Variants in EPHA6 observed in about 807,000 individuals in gnomAD.
EPHA6 encodes the protein ephrin type-A receptor 6.
EPHA6 carries 50 observed loss-of-function variants against 112.0 expected under a neutral mutation model. The observed-to-expected ratio is 0.45, with a 90% CI of 0.36 to 0.56. The LOEUF is 0.56. Among genes scored for constraint, EPHA6 ranks in the 20% least tolerant of loss-of-function variants. The probability of loss-of-function intolerance (pLI) is 0.00; values close to 1 mark genes in which losing one functional copy is unlikely to be tolerated. For missense variants in EPHA6, 1,280 were observed against 1,417.4 expected (o/e 0.90, Z 1.56); for synonymous variants, 529 against 490.7 (o/e 1.08, Z -1.03).
rs192552948 is a variant in EPHA6, at chr3:97,196,678, C to A, written c.1115-29586C>A. ...TTGTGATCTGTCTTTGGTACTGCAG[C>A]CATATCTACATTATGAGGCACACCA... On this transcript the variant is annotated intron_variant, in intron 3 of 17. Transcript: ENST00000389672. Among the ~76,000 whole-genome samples, 4 of 151,406 alleles carry A rather than the reference C, an allele frequency of 2.6e-5. No homozygotes were observed. The East Asian group carries it at 8.0e-4, about 30-fold the overall frequency.
At chr3:97,410,100 AAAG>A (rs1170705762) in intron 6 of EPHA6, among the ~76,000 whole-genome samples, 2 of 152,066 alleles carry the variant, frequency 1.3e-5, no homozygotes, top group African/African-American at 4.8e-5. Context: ...GCCTCTTTTA[AAAG>A]AAGGTTGAAG....
rs563490778 is a variant in EPHA6, at chr3:97,033,070, A to G, written c.1114+45077A>G. 1.2e-3 allele frequency among the ~76,000 whole-genome samples: 183 copies of G among 151,992 alleles called. 1 individual carries two copies. The highest frequency in any genetic ancestry group is 4.2e-3 in the African/African-American group (174 of 41,516). On this transcript the variant is annotated intron_variant, in intron 3 of 17. Coordinates refer to ENST00000389672, the MANE Select transcript of EPHA6 (RefSeq NM_001080448.3). ...CAAATGTGGAAAAAAAGAAAGAAAA[A>G]AAAAAGGAAGTATACCAGTACCACA...
At chr3:97,504,984 T>A (rs1484353461) in intron 10 of EPHA6, among the ~76,000 whole-genome samples, 1 of 152,170 alleles carries the variant, frequency 6.6e-6, no homozygotes, top group Non-Finnish European at 1.5e-5. Context: ...TTTCTTTTTT[T>A]AATGCATACA....
intron 6 of EPHA6, among the ~76,000 whole-genome samples, chr3:97,407,005 G>C (rs1331480418): frequency 6.6e-6 from 1 of 151,966 alleles, no homozygotes; most frequent in East Asian, 1.9e-4. Context: ...ATATTTCTCT[G>C]TGTTTTATAA....
At chr3:96,885,777 T>A (rs537245653) in intron 2 of EPHA6, among the ~76,000 whole-genome samples, 17 of 152,238 alleles carry the variant, frequency 1.1e-4, no homozygotes, top group African/African-American at 4.1e-4. Flanking sequence ...TTGGGTTTGG[T>A]TTGTTCTTGT....
intron 3 of EPHA6, among the ~76,000 whole-genome samples, chr3:97,021,814 G>A (rs796768617): frequency 1.2e-4 from 19 of 152,252 alleles, no homozygotes; most frequent in African/African-American, 4.3e-4. Flanking sequence ...TTCAACCTAT[G>A]CATTTTGGGG....
chr3:97,358,175 T>C (rs1232899800), intron 5 of EPHA6, among the ~76,000 whole-genome samples: 1 of 152,180 alleles, frequency 6.6e-6, no homozygotes, highest in Non-Finnish European at 1.5e-5. Flanking sequence ...CATTATTTTC[T>C]TATTTGTGTT....
intron 3 of EPHA6, among the ~76,000 whole-genome samples, chr3:97,172,491 C>A (rs1356898033): frequency 2.6e-5 from 4 of 151,956 alleles, no homozygotes; most frequent in Non-Finnish European, 4.4e-5. Context: ...CTTACTCATT[C>A]TAAAATCTGT....
chr3:97,172,314 A>T (rs1340847333), intron 3 of EPHA6, among the ~76,000 whole-genome samples: 1 of 152,038 alleles, frequency 6.6e-6, no homozygotes, highest in African/African-American at 2.4e-5. Flanking sequence ...ACAGTTTCTG[A>T]CATACAAAGA....
Position 97,185,753 on chromosome 3 carries a change from C to T in EPHA6, c.1115-40511C>T, listed in dbSNP as rs562516028. The stretch of plus-strand genomic sequence containing the variant: ...ATTATAAATCATGCCGCTATAAAGA[C>T]ACATGCACACGTATGTTTATTGCGG... On this transcript the variant is annotated intron_variant, in intron 3 of 17. Transcript: ENST00000389672. 3.3e-5 allele frequency among the ~76,000 whole-genome samples: 5 copies of T among 152,218 alleles called. No homozygotes were observed. In the East Asian group the frequency reaches 5.8e-4, roughly 18 times the overall value.
intron 2 of EPHA6, among the ~76,000 whole-genome samples, chr3:96,924,789 T>C (rs2039949812): frequency 6.6e-6 from 1 of 152,146 alleles, no homozygotes; most frequent in Non-Finnish European, 1.5e-5. Context: ...ATATGGCTCT[T>C]ATTATTTGCA....
intron 14 of EPHA6, among the ~76,000 whole-genome samples, chr3:97,669,438 C>T (rs1480104579): frequency 6.6e-6 from 1 of 151,378 alleles, no homozygotes; most frequent in Non-Finnish European, 1.5e-5. Flanking sequence ...GTCTCTAGAC[C>T]ACCTGTTTAG....
chr3:97,400,426 A>C (rs1266008646), intron 5 of EPHA6, among the ~76,000 whole-genome samples: 1 of 151,354 alleles, frequency 6.6e-6, no homozygotes, highest in African/African-American at 2.4e-5. Context: ...TTTTCCTCAA[A>C]ACTGCTTCAG....
chr3:96,999,438 C>G (rs1041410123), intron 3 of EPHA6, among the ~76,000 whole-genome samples: 5 of 152,010 alleles, frequency 3.3e-5, no homozygotes, highest in Admixed American at 3.3e-4. Context: ...CTGTATCCAG[C>G]TCAGAGATTA....
intron 10 of EPHA6, among the ~76,000 whole-genome samples, chr3:97,511,555 T>G (rs956166294): frequency 6.6e-6 from 1 of 152,034 alleles, no homozygotes; most frequent in Non-Finnish European, 1.5e-5. Flanking sequence ...GTACCTCAGT[T>G]GGAAATGCAG....
intron 3 of EPHA6, among the ~76,000 whole-genome samples, chr3:97,073,812 C>G (rs1236011004): frequency 6.6e-6 from 1 of 151,820 alleles, no homozygotes; most frequent in African/African-American, 2.4e-5. Flanking sequence ...GTGTATTAGT[C>G]TCTCCTTTGT....
chr3:96,818,766 A>G (rs1285290884), intron 1 of EPHA6, among the ~76,000 whole-genome samples: 1 of 151,952 alleles, frequency 6.6e-6, no homozygotes, highest in Non-Finnish European at 1.5e-5. Flanking sequence ...AAATTTTGTT[A>G]AATTAGGAAC....
intron 3 of EPHA6, among the ~76,000 whole-genome samples, chr3:97,094,864 T>C (rs2108241527): frequency 6.6e-6 from 1 of 152,150 alleles, no homozygotes; most frequent in Middle Eastern, 3.4e-3. Flanking sequence ...CTTTATTAAA[T>C]AAATGTGATG....
chr3:96,874,891 C>A (rs556542789), intron 2 of EPHA6, among the ~76,000 whole-genome samples: 1 of 151,734 alleles, frequency 6.6e-6, no homozygotes, highest in Non-Finnish European at 1.5e-5. Context: ...AAGTCATGTG[C>A]AAGTAACAGT....
Sources: allele counts gnomAD v4.1 joint callset (sites outside exome capture counted in the v4.1 genomes callset), GRCh38; gene constraint gnomAD v4.1.1; transcripts MANE v1.5; gene names NCBI Gene and HGNC (gene_info 2026-07-23, HGNC 2026-07-21).